The following AGBL4 variants were observed in gnomAD, a reference collection of about 807,000 sequenced individuals.
AGBL4 encodes cytosolic carboxypeptidase 6.
Under a neutral mutation model 66.4 loss-of-function variants are expected in AGBL4, and 58 were observed. The observed-to-expected ratio is 0.87, with a 90% confidence interval of 0.71 to 1.09. The LOEUF is 1.09. Among genes scored for constraint, AGBL4 ranks in the 50% least tolerant of loss-of-function variants. The pLI is 0.00. For missense variants in AGBL4, 579 were observed against 631.0 expected (o/e 0.92, Z 0.88); for synonymous variants, 234 against 222.9 (o/e 1.05, Z -0.44).
chr1:49,352,046 T>A (rs1373497687), intron 3 of AGBL4, among the ~76,000 whole-genome samples: 1 of 152,218 alleles, frequency 6.6e-6, no homozygotes, highest in Non-Finnish European at 1.5e-5. Flanking sequence ...GCTGCCTGCA[T>A]ACCTCTGCAT....
rs142345601 is a variant in AGBL4 at position 48,899,588 on chromosome 1, G to C, written c.595-32358C>G. On this transcript the variant is annotated intron_variant, in intron 5 of 13. Transcript: ENST00000371839. Reference sequence around the variant, plus strand: ...CTGGGTGAGTCTTTGGATGGGAGTAGAGAAACCTGGATCTGGCCTCACTTG... The same window carrying C: ...CTGGGTGAGTCTTTGGATGGGAGTACAGAAACCTGGATCTGGCCTCACTTG... Among the ~76,000 whole-genome samples the C allele has an allele frequency of 1.1e-4, 16 of 152,260 alleles. No individual in the cohort carries two copies. In the East Asian group the frequency reaches 3.1e-3, roughly 29 times the overall value.
At chr1:48,633,474 G>A (rs1211924952) in intron 9 of AGBL4, among the ~76,000 whole-genome samples, 1 of 152,130 alleles carries the variant, frequency 6.6e-6, no homozygotes, top group Admixed American at 6.5e-5. Flanking sequence ...CATTGAAGTT[G>A]GAAGGGACTC....
At chr1:48,809,634 A>G (rs1646005539) in intron 6 of AGBL4, among the ~76,000 whole-genome samples, 1 of 152,184 alleles carries the variant, frequency 6.6e-6, no homozygotes, top group Admixed American at 6.5e-5. Flanking sequence ...TGAGGCAGCA[A>G]ACCACATGTG....
intron 11 of AGBL4, among the ~76,000 whole-genome samples, chr1:48,547,437 C>T (rs1363599232): frequency 6.6e-6 from 1 of 152,038 alleles, no homozygotes; most frequent in Non-Finnish European, 1.5e-5. Context: ...ATGACTCCTT[C>T]ATCTTTGGCT....
intron 1 of AGBL4, among the ~76,000 whole-genome samples, chr1:49,914,379 T>C (rs891320890): frequency 6.6e-5 from 10 of 152,234 alleles, no homozygotes; most frequent in Non-Finnish European, 1.5e-4. Context: ...TCTTTGCAAC[T>C]TTATAATGAG....
chr1:49,513,813 T>A (rs1251794836), intron 3 of AGBL4, among the ~76,000 whole-genome samples: 2 of 152,040 alleles, frequency 1.3e-5, no homozygotes, highest in African/African-American at 4.8e-5. Flanking sequence ...ACTGCTTGAC[T>A]GACAAATTAA....
At chr1:48,848,765 AG>A (rs1646972208) in intron 6 of AGBL4, among the ~76,000 whole-genome samples, 1 of 152,174 alleles carries the variant, frequency 6.6e-6, no homozygotes, top group African/African-American at 2.4e-5. Context: ...CACTCATTAT[AG>A]GAGTACCAGT....
At chr1:49,946,167 CA>C (rs1322990574) in intron 1 of AGBL4, among the ~76,000 whole-genome samples, 1 of 136,936 alleles carries the variant, frequency 7.3e-6, no homozygotes, top group African/African-American at 2.5e-5. Context: ...AAGTCAACAA[CA>C]ACAATAAAAA....
At chr1:49,099,946 TTCTC>T (rs1333915709) in intron 4 of AGBL4, among the ~76,000 whole-genome samples, 2 of 152,072 alleles carry the variant, frequency 1.3e-5, no homozygotes, top group Admixed American at 1.3e-4. Flanking sequence ...CATTCTCTTT[TTCTC>T]TCTCTCTCAT....
At chr1:48,573,594 G>A (rs931411768) in intron 11 of AGBL4, among the ~76,000 whole-genome samples, 7 of 152,074 alleles carry the variant, frequency 4.6e-5, no homozygotes, top group African/African-American at 1.2e-4. Context: ...AACTATGCAC[G>A]TGAGGACAGA....
intron 5 of AGBL4, among the ~76,000 whole-genome samples, chr1:48,995,134 T>G (rs1660903131): frequency 6.6e-6 from 1 of 152,182 alleles, no homozygotes. Context: ...TGATGGACCA[T>G]GTGACATACA....
intron 2 of AGBL4, among the ~76,000 whole-genome samples, chr1:49,777,095 T>C (rs1384573092): frequency 1.3e-5 from 2 of 152,180 alleles, no homozygotes; most frequent in East Asian, 1.9e-4. Context: ...AGATTTAAAA[T>C]GCTGGAGCTT....
intron 6 of AGBL4, among the ~76,000 whole-genome samples, chr1:48,807,059 G>A (rs920183540): frequency 9.2e-5 from 14 of 152,170 alleles, no homozygotes; most frequent in African/African-American, 1.9e-4. Context: ...CACTTGCCAC[G>A]TCTCTTCAAG....
At chr1:48,949,510 T>C (rs953291107) in intron 5 of AGBL4, among the ~76,000 whole-genome samples, 1 of 152,208 alleles carries the variant, frequency 6.6e-6, no homozygotes, top group African/African-American at 2.4e-5. Flanking sequence ...ACATTCTCCA[T>C]GTGATGGCTG....
intron 8 of AGBL4, among the ~76,000 whole-genome samples, chr1:48,645,139 G>A (rs1033204724): frequency 2.2e-4 from 34 of 152,170 alleles, no homozygotes; most frequent in Admixed American, 2.0e-3. Context: ...TGGTTTTGGC[G>A]GTGTGCACTT....
At chr1:49,913,689 A>G (rs188381766) in intron 1 of AGBL4, among the ~76,000 whole-genome samples, 1 of 152,384 alleles carries the variant, frequency 6.6e-6, no homozygotes, top group East Asian at 1.9e-4. Context: ...CTGCCTGGGC[A>G]ACTAGGCTAT....
At chr1:49,290,335 G>A (rs1478934995) in intron 3 of AGBL4, among the ~76,000 whole-genome samples, 1 of 152,144 alleles carries the variant, frequency 6.6e-6, no homozygotes, top group Non-Finnish European at 1.5e-5. Context: ...AACTAGCAGC[G>A]ATCTGAGGAC....
intron 2 of AGBL4, among the ~76,000 whole-genome samples, chr1:49,842,633 A>G (rs1178682476): frequency 2.0e-5 from 3 of 152,160 alleles, no homozygotes; most frequent in African/African-American, 7.2e-5. Context: ...GACAAACAAT[A>G]AATCGGTAAA....
At chr1:49,388,626 AGAAATATGAC>A (rs1644785469) in intron 3 of AGBL4, among the ~76,000 whole-genome samples, 1 of 152,200 alleles carries the variant, frequency 6.6e-6, no homozygotes, top group Admixed American at 6.5e-5. Context: ...ACAACATCAC[AGAAATATGAC>A]TCAGGATAAG....
Sources: gnomAD v4.1 joint callset for allele counts (sites outside exome capture counted in the v4.1 genomes callset) on GRCh38, gnomAD v4.1.1 for gene constraint, MANE v1.5 for transcripts, NCBI Gene and HGNC (gene_info 2026-07-23, HGNC 2026-07-21) for gene names.